Variants in IL1RAPL1 observed in about 807,000 individuals in gnomAD.
IL1RAPL1 encodes interleukin-1 receptor accessory protein-like 1.
A neutral mutation model predicts 48.4 loss-of-function variants in IL1RAPL1; 3 were observed. The ratio of observed to expected loss-of-function variants is 0.06; its 90% CI spans 0.03 to 0.16. IL1RAPL1 has a LOEUF of 0.16. IL1RAPL1 is among the 10% of genes least tolerant of loss of function. IL1RAPL1 has a pLI of 1.00. For synonymous variants in IL1RAPL1, 185 were observed against 187.7 expected, an observed-to-expected ratio of 0.99 and a Z score of 0.12; for missense variants, 349 against 530.6, an observed-to-expected ratio of 0.66 and a Z score of 3.36.
At chrX:28,955,783 G>T (rs766446206) in intron 2 of IL1RAPL1, among the ~76,000 whole-genome samples, 124 of 94,028 alleles carry the variant, frequency 1.3e-3, no homozygotes, top group African/African-American at 5.0e-3. Flanking sequence ...GGTTTCATAT[G>T]AACTTTAAAG....
At chrX:29,799,671 T>C (rs1367210682) in intron 6 of IL1RAPL1, among the ~76,000 whole-genome samples, 1 of 112,273 alleles carries the variant, frequency 8.9e-6, no homozygotes, top group Non-Finnish European at 1.9e-5. Flanking sequence ...CTAGACTCAA[T>C]AGGTGCACGT....
chrX:29,213,813 C>A (rs1445004368), intron 2 of IL1RAPL1, among the ~76,000 whole-genome samples: 1 of 112,252 alleles, frequency 8.9e-6, no homozygotes, highest in South Asian at 3.7e-4. Context: ...ACTTCCCCCA[C>A]CTCCAGCACC....
chrX:29,184,387 G>C (rs1422774497), intron 2 of IL1RAPL1, among the ~76,000 whole-genome samples: 3 of 112,340 alleles, frequency 2.7e-5, no homozygotes, highest in Non-Finnish European at 5.6e-5. Context: ...GATTTCAGCT[G>C]TAAGAAATGA....
intron 6 of IL1RAPL1, among the ~76,000 whole-genome samples, chrX:29,673,159 C>G (rs922065245): frequency 5.4e-5 from 6 of 111,884 alleles, no homozygotes; most frequent in Non-Finnish European, 9.4e-5. Flanking sequence ...TCATAATTGA[C>G]CACACCTTTT....
chrX:29,256,326 C>G (rs1931757879), intron 2 of IL1RAPL1, among the ~76,000 whole-genome samples: 2 of 111,291 alleles, frequency 1.8e-5, no homozygotes, highest in Admixed American at 9.7e-5. Flanking sequence ...ACTAAAACCA[C>G]ATATTATTAA....
intron 3 of IL1RAPL1, among the ~76,000 whole-genome samples, chrX:29,318,927 T>C (rs772344040): frequency 3.6e-5 from 4 of 112,018 alleles, no homozygotes; most frequent in East Asian, 5.6e-4. Context: ...GATAACTCCA[T>C]TGTTTTTAAA....
intron 1 of IL1RAPL1, among the ~76,000 whole-genome samples, chrX:28,588,357 G>A (rs1933872554): frequency 9.0e-6 from 1 of 110,934 alleles, no homozygotes; most frequent in African/African-American, 3.3e-5. Context: ...AGAGTGTCTT[G>A]AATTAATTCT....
chrX:29,638,718 A>C (rs1925057725), intron 5 of IL1RAPL1, among the ~76,000 whole-genome samples: 1 of 112,031 alleles, frequency 8.9e-6, no homozygotes. Context: ...TGCTATGTCG[A>C]GTTATCTTTT....
intron 6 of IL1RAPL1, among the ~76,000 whole-genome samples, chrX:29,825,214 C>T (rs774832659): frequency 4.5e-5 from 5 of 111,075 alleles, no homozygotes; most frequent in Non-Finnish European, 5.7e-5. Flanking sequence ...ACTCTTTCCT[C>T]ACTTCATAGT....
chrX:29,126,874 A>T, intron 2 of IL1RAPL1, among the ~76,000 whole-genome samples: 1 of 112,145 alleles, frequency 8.9e-6, no homozygotes, highest in Non-Finnish European at 1.9e-5. Flanking sequence ...CATTACAAAT[A>T]TCCAGCAAGT....
chrX:29,413,789 T>C (rs1934178844), intron 5 of IL1RAPL1, among the ~76,000 whole-genome samples: 1 of 110,904 alleles, frequency 9.0e-6, no homozygotes, highest in South Asian at 3.8e-4. Flanking sequence ...ATTCAGAATA[T>C]CTTATTTGTG....
intron 6 of IL1RAPL1, among the ~76,000 whole-genome samples, chrX:29,678,924 T>G (rs1926369270): frequency 9.1e-6 from 1 of 110,021 alleles, no homozygotes; most frequent in African/African-American, 3.3e-5. Flanking sequence ...TCCAAGAGAG[T>G]GAATAATTTT....
At chrX:29,207,236 G>C (rs997931969) in intron 2 of IL1RAPL1, among the ~76,000 whole-genome samples, 2 of 112,087 alleles carry the variant, frequency 1.8e-5, no homozygotes, top group Non-Finnish European at 1.9e-5. Context: ...CACAGAGACA[G>C]TTTTGAAGTC....
At position 28,679,579 on chromosome X, in the gene IL1RAPL1, T is replaced by C. The variant is rs149110252; in HGVS notation, c.-25+91532T>C. On this transcript the variant is annotated intron_variant, in intron 1 of 10. Transcript: ENST00000378993. ...TTCTCCTCTGTTTTCTTTTAATAGT[T>C]ATAAGGTTTCAGGTCTTACATTTAA... Among the ~76,000 whole-genome samples, 779 of 111,753 alleles carry C rather than the reference T, an allele frequency of 7.0e-3. 7 individuals are homozygous for C. Among genetic ancestry groups the C allele is most frequent in the African/African-American group, 0.024 (736 of 30,804 alleles).
intron 2 of IL1RAPL1, among the ~76,000 whole-genome samples, chrX:29,173,129 C>T (rs758377502): frequency 1.8e-5 from 2 of 111,100 alleles, no homozygotes; most frequent in Non-Finnish European, 3.8e-5. Context: ...TGAGTCACTT[C>T]CTGAGAGATT....
At chrX:29,517,299 A>G (rs779351819) in intron 5 of IL1RAPL1, among the ~76,000 whole-genome samples, 1 of 110,649 alleles carries the variant, frequency 9.0e-6, no homozygotes, top group African/African-American at 3.3e-5. Flanking sequence ...CTATTTATAG[A>G]CATATATCCT....
intron 6 of IL1RAPL1, among the ~76,000 whole-genome samples, chrX:29,804,623 G>A (rs1323393556): frequency 1.8e-5 from 2 of 111,891 alleles, no homozygotes; most frequent in African/African-American, 3.3e-5. Context: ...CACCATGATT[G>A]TGAGGCCTCC....
intron 2 of IL1RAPL1, among the ~76,000 whole-genome samples, chrX:29,102,531 T>C (rs1319783295): frequency 1.8e-5 from 2 of 110,413 alleles, no homozygotes; most frequent in Non-Finnish European, 3.8e-5. Context: ...CTGGGCATGG[T>C]GGCTCATGCC....
intron 2 of IL1RAPL1, among the ~76,000 whole-genome samples, chrX:29,044,438 T>C (rs1471504522): frequency 1.8e-5 from 2 of 109,293 alleles, no homozygotes; most frequent in South Asian, 4.0e-4. Context: ...TCTAAACAAA[T>C]AAATAAATAA....
Sources: gnomAD v4.1 joint callset for allele counts (sites outside exome capture counted in the v4.1 genomes callset) on GRCh38, gnomAD v4.1.1 for gene constraint, MANE v1.5 for transcripts, NCBI Gene and HGNC (gene_info 2026-07-23, HGNC 2026-07-21) for gene names.